Variants in GPX1 observed in about 807,000 individuals in gnomAD.
GPX1 encodes glutathione peroxidase 1.
In GPX1, 8 loss-of-function variants were observed where a neutral mutation model predicts 11.5. The ratio of observed to expected loss-of-function variants is 0.70; its 90% CI spans 0.41 to 1.25. GPX1 has a LOEUF of 1.25. Ranked by LOEUF, GPX1 falls within the 50% of genes most tolerant of loss-of-function variation. GPX1 has a pLI of 0.01. For synonymous variants in GPX1, 142 were observed against 127.8 expected, an observed-to-expected ratio of 1.11 and a Z score of -0.75; for missense variants, 266 against 284.3, an observed-to-expected ratio of 0.94 and a Z score of 0.46.
rs1301809718 is a variant in GPX1, at chr3:49,357,615, G to A, written c.385C>T (p.Leu129=). Residue 129 remains leucine, a synonymous_variant, in exon 2 of 2, where the codon CTG becomes TTG. Transcript: ENST00000419783. ...GAGAHPLFAF[L]REALPAPSDD... ...CTGGGAGCTGGCAGGGCCTCCCGCA[G>A]GAAGGCGAAGAGAGGGTGCGCCCCC... is the stretch of plus-strand genomic sequence containing the variant. The A allele has an allele frequency of 6.2e-7, 1 of 1,613,248 alleles. No individual in the cohort carries two copies. The highest frequency in any genetic ancestry group is 8.5e-7 in the Non-Finnish European group (1 of 1,179,946).
In GPX1 at chr3:49,357,655, G is replaced by T; in HGVS notation, c.345C>A (p.Cys115Ter). The change falls in exon 2 of 2, where the codon TGC (cysteine) becomes TGA (stop). Residue 115 changes from cysteine to a stop codon, truncating the protein, a stop_gained. Coordinates refer to ENST00000419783, the MANE Select transcript of GPX1 (RefSeq NM_000581.4). LOFTEE classifies it high-confidence loss of function. ...GGTGCGCCCCCGCACCGTTCACCTC[G>T]CACTTCTCGAAGAGCATGAAGTTGG... ...FEPNFMLFEK[C>*]EVNGAGAHPL... 2.5e-6 allele frequency: 4 copies of T among 1,613,556 alleles called. No homozygotes were observed. Among genetic ancestry groups the T allele is most frequent in the Non-Finnish European group, 3.4e-6 (4 of 1,179,938 alleles).
rs2047881586 is a variant in GPX1, at chr3:49,358,131, C to A, written c.148G>T (p.Gly50Cys). 5.0e-6 allele frequency: 8 copies of A among 1,609,680 alleles called. No individual in the cohort carries two copies. The highest frequency in any genetic ancestry group is 6.8e-6 in the Non-Finnish European group (8 of 1,179,012). Residue 50 changes from glycine (G) to cysteine (C), a missense_variant, in exon 1 of 2, where the codon GGC (glycine) becomes TGC (cysteine). By Grantham distance (159) the Gly-to-Cys change is radical. Transcript: ENST00000419783. ...LLIENVASLU[G>C]TTVRDYTQMN... The stretch of plus-strand genomic sequence containing the variant: ...TGGGTGTAGTCCCGGACCGTGGTGC[C>A]TCAGAGGGACGCCACATTCTCGATA...
Position 49,358,016 on chromosome 3 carries a change from G to A in GPX1, c.252+11C>T, listed in dbSNP as rs747512088. ...GTCCGCCCCCGCCCCGCCCCGCTCC[G>A]CCCGGCGCACCTGATGCCCAAACTG... On this transcript the variant is annotated intron_variant, in intron 1 of 1. Transcript: ENST00000419783. The A allele has an allele frequency of 6.2e-7, 1 of 1,604,254 alleles. No homozygotes were observed. The highest frequency in any genetic ancestry group is 1.7e-5 in the Admixed American group (1 of 59,196).
In GPX1 at chr3:49,357,763, G is replaced by A. The variant is rs958895967; in HGVS notation, c.253-16C>T. The stretch of plus-strand genomic sequence containing the variant: ...TGGCGTTCTCCTACAGGAGAGAAGG[G>A]CAGCTAGAACCCGGGGTCAAGAGGA... On this transcript the variant is annotated splice_polypyrimidine_tract_variant and intron_variant, in intron 1 of 1. Coordinates refer to ENST00000419783, the MANE Select transcript of GPX1 (RefSeq NM_000581.4). 1.3e-5 allele frequency: 21 copies of A among 1,591,644 alleles called. No homozygotes were observed. Among genetic ancestry groups the A allele is most frequent in the Non-Finnish European group, 1.7e-5 (20 of 1,164,470 alleles).
In GPX1 at chr3:49,358,157, A is replaced by T; in HGVS notation, c.122T>A (p.Leu41His). 11 of 1,600,908 alleles carry T rather than the reference A, an allele frequency of 6.9e-6. No homozygotes were observed. Among genetic ancestry groups the T allele is most frequent in the Non-Finnish European group, 9.4e-6 (11 of 1,174,534 alleles). ...TCAGAGGGACGCCACATTCTCGATA[A>T]GTAGTACCTTGCCCCGCAGGGAGCC... The part of the protein sequence containing the change: ...SLGSLRGKVL[L>H]IENVASLUGT... Residue 41 changes from leucine to histidine, a missense_variant, in exon 1 of 2, where the codon CTT (leucine) becomes CAT (histidine). Transcript: ENST00000419783.
chr3:49,357,889 C>T (rs2047871383), intron 1 of GPX1, 138 bp downstream of exon 1: 1 of 1,512,706 alleles, frequency 6.6e-7, no homozygotes, highest in African/African-American at 1.4e-5. Flanking sequence ...ATTTCAGCAG[C>T]TACGAGCAAC....
rs1437094857 is a variant in GPX1, at chr3:49,358,055, C to A, written c.224G>T (p.Gly75Val). 1.3e-5 allele frequency: 21 copies of A among 1,610,696 alleles called. No homozygotes were observed. The highest frequency in any genetic ancestry group is 1.7e-5 in the Non-Finnish European group (20 of 1,179,236). Residue 75 changes from glycine to valine, a missense_variant, in exon 1 of 2, where the codon GGC (glycine) becomes GTC (valine). By Grantham distance (109) the Gly-to-Val change is moderately radical. Transcript: ENST00000419783. ...ATGCCCAAACTGGTTGCACGGGAAG[C>A]CGAGCACCACCAGGCCCCGGGGTCC... Reference protein sequence around the residue: ...RLGPRGLVVLGFPCNQFGHQE... With the variant: ...RLGPRGLVVLVFPCNQFGHQE...
In GPX1 at chr3:49,358,286, T is replaced by C. The variant is rs558649854; in HGVS notation, c.-8A>G. ...TAGCCGAGCAGCACACATGGCGCAA[T>C]TGTCCAAGAAGCCAGCGGAGCGCCC... On this transcript the variant is annotated 5_prime_UTR_variant, in exon 1 of 2. Transcript: ENST00000419783. 1.9e-5 allele frequency: 29 copies of C among 1,534,332 alleles called. No individual in the cohort carries two copies. Among genetic ancestry groups the C allele is most frequent in the Middle Eastern group, 2.3e-4 (1 of 4,320 alleles).
chr3:49,357,715 G>T lies in GPX1; in HGVS notation c.285C>A (p.Ser95=). The change falls in exon 2 of 2, where the codon TCC becomes TCA. Residue 95 remains serine, a synonymous_variant. Transcript: ENST00000419783. ...ENAKNEEILN[S]LKYVRPGGGF... The stretch of plus-strand genomic sequence containing the variant: ...CACCACCAGGCCGGACGTACTTGAG[G>T]GAATTCAGAATCTCTTCGTTCTTGG... 6.2e-7 allele frequency: 1 copy of T among 1,610,610 alleles called. No homozygotes were observed. The highest frequency in any genetic ancestry group is 8.5e-7 in the Non-Finnish European group (1 of 1,177,648).
intron 1 of GPX1, 32 bp downstream of exon 1, chr3:49,357,995 G>GC (rs1559489598): frequency 6.4e-7 from 1 of 1,560,518 alleles, no homozygotes. Context: ...CTGCACGTCC[G>GC]CCCCCGCCCC....
chr3:49,358,227 C>A lies in GPX1; in HGVS notation c.52G>T (p.Ala18Ser), dbSNP rs762298249. ...CCGGCCAGCGGGCGCGCCGAGAAGG[C>A]ATACACCGACTGGGCCGCCGCCGCC... ...AAAAAAQSVY[A>S]FSARPLAGGE... Residue 18 changes from alanine to serine, a missense_variant, in exon 1 of 2, where the codon GCC becomes TCC. Coordinates refer to ENST00000419783, the MANE Select transcript of GPX1 (RefSeq NM_000581.4). 4.6e-6 allele frequency: 7 copies of A among 1,520,642 alleles called. No individual in the cohort carries two copies. The highest frequency in any genetic ancestry group is 1.2e-5 in the South Asian group (1 of 82,642). 94.2% of individuals were successfully genotyped at this position (1,520,642 alleles called of 1,614,324 possible).
chr3:49,357,775 C>G (rs751362928), intron 1 of GPX1, 28 bp from the exon 2 acceptor site: 12 of 1,584,390 alleles, frequency 7.6e-6, no homozygotes, highest in Non-Finnish European at 1.0e-5. Flanking sequence ...AGCTAGAACC[C>G]GGGGTCAAGA....
At position 49,357,227 on chromosome 3, in the gene GPX1, A is replaced by C; in HGVS notation, c.*161T>G. Reference sequence around the variant, plus strand: ...GTGGGGAAACTCGCCTTGGTCTGGCAGAGACTGGGATCAACAGGACCAGCA... The same window carrying C: ...GTGGGGAAACTCGCCTTGGTCTGGCCGAGACTGGGATCAACAGGACCAGCA... On this transcript the variant is annotated 3_prime_UTR_variant, in exon 2 of 2. Transcript: ENST00000419783. 1.4e-6 allele frequency: 1 copy of C among 699,402 alleles called. No individual in the cohort carries two copies. Among genetic ancestry groups the C allele is most frequent in the Non-Finnish European group, 2.4e-6 (1 of 420,362 alleles). The allele number at this position is 699,402 out of a possible 1,614,324, so 43.3% of individuals were successfully genotyped here.
rs748960818 is a variant in GPX1, at chr3:49,358,321, A to C, written c.-43T>G. On this transcript the variant is annotated 5_prime_UTR_variant, in exon 1 of 2. Coordinates refer to ENST00000419783, the MANE Select transcript of GPX1 (RefSeq NM_000581.4). Reference sequence around the variant, plus strand: ...AGCCAGCGGAGCGCCCCGAACAAGCACTGTAAGGGGAGGCCAGCAGGCGCC... The same window carrying C: ...AGCCAGCGGAGCGCCCCGAACAAGCCCTGTAAGGGGAGGCCAGCAGGCGCC... 2.0e-6 allele frequency: 3 copies of C among 1,504,358 alleles called. No individual in the cohort carries two copies. The highest frequency in any genetic ancestry group is 4.4e-5 in the Admixed American group (2 of 45,636). The allele number at this position is 1,504,358 out of a possible 1,614,324, so 93.2% of individuals were successfully genotyped here.
intron 1 of GPX1, 93 bp downstream of exon 1, chr3:49,357,933 CG>C: frequency 6.7e-7 from 1 of 1,497,630 alleles, no homozygotes; most frequent in South Asian, 1.3e-5. Context: ...AGACTCTCCG[CG>C]CATGGAGCCG....
intron 1 of GPX1, 60 bp from the exon 2 acceptor site, chr3:49,357,807 C>A: frequency 6.5e-7 from 1 of 1,549,280 alleles, no homozygotes; most frequent in Non-Finnish European, 8.7e-7. Context: ...ACGTTCTAAC[C>A]ACAAACAAGG....
At chr3:49,357,950 A>ACCCACCAGCACACCGCCGGC (rs546171730) in intron 1 of GPX1, 77 bp downstream of exon 1, 45,042 of 1,516,288 alleles carry the variant, frequency 0.03, 744 homozygotes, top group Non-Finnish European at 0.035. Flanking sequence ...AGCCGACGGC[A>ACCCACCAGCACACCGCCGGC]CCCACCAGCA....
chr3:49,357,685 G>C lies in GPX1; in HGVS notation c.315C>G (p.Phe105Leu), dbSNP rs536461141. 6.2e-6 allele frequency: 10 copies of C among 1,612,982 alleles called. No homozygotes were observed. The South Asian group carries it at 8.8e-5, about 14-fold the overall frequency. ...SLKYVRPGGG[F>L]EPNFMLFEKC... ...TCTCGAAGAGCATGAAGTTGGGCTC[G>C]AACCCACCACCAGGCCGGACGTACT... The change falls in exon 2 of 2, where the codon TTC (phenylalanine) becomes TTG (leucine). Residue 105 changes from phenylalanine (F) to leucine (L), a missense_variant. Transcript: ENST00000419783.
intron 1 of GPX1, 61 bp downstream of exon 1, chr3:49,357,966 C>A: frequency 1.3e-6 from 2 of 1,539,300 alleles, no homozygotes; most frequent in Non-Finnish European, 1.8e-6. Flanking sequence ...CAGCACACCG[C>A]CGGCGCCCCC....
Sources: gnomAD v4.1 joint callset for allele counts on GRCh38, gnomAD v4.1.1 for gene constraint, MANE v1.5 for transcripts, NCBI Gene and HGNC (gene_info 2026-07-23, HGNC 2026-07-21) for gene names.